Variants in PLD2 observed in about 807,000 individuals in gnomAD.
PLD2 encodes the protein phospholipase D2.
A neutral mutation model predicts 119.8 loss-of-function variants in PLD2; 101 were observed. The ratio of observed to expected loss-of-function variants is 0.84; its 90% CI spans 0.72 to 0.99. The LOEUF (loss-of-function observed/expected upper bound fraction) is 0.99, where lower values mean the gene tolerates loss of function less well. PLD2 is among the 50% of genes least tolerant of loss of function. PLD2 has a pLI of 0.00. For synonymous variants in PLD2, 494 were observed against 482.8 expected (o/e 1.02, Z -0.30); for missense variants, 1,164 against 1,226.8 (o/e 0.95, Z 0.76).
chr17:4,814,336 C>A (rs1292402955), intron 10 of PLD2, 82 bp from the exon 11 acceptor site: 1 of 1,539,762 alleles, frequency 6.5e-7, no homozygotes, highest in South Asian at 1.2e-5. Flanking sequence ...CACCTCTGAC[C>A]CACGACTGTC....
chr17:4,815,975 A>G, intron 14 of PLD2, 41 bp downstream of exon 14: 1 of 1,403,142 alleles, frequency 7.1e-7, no homozygotes, highest in Middle Eastern at 1.8e-4. Flanking sequence ...CCAAACTCAG[A>G]TAAGCTCAAT....
chr17:4,819,632 G>A lies in PLD2; in HGVS notation c.2462+50G>A, dbSNP rs76720894. On this transcript the variant is annotated intron_variant, in intron 23 of 24. Coordinates refer to ENST00000263088, the MANE Select transcript of PLD2 (RefSeq NM_002663.5). This position sits in a 1 kb window ranked among gnomAD's most constrained non-coding sequence, Gnocchi z 4.2. ...GGGTGGGAGGGAGATGGGGGCGTCTGCCTTTTGAGCAGGACAAGAGGTAGC... is the reference window on the plus strand; with the variant it reads ...GGGTGGGAGGGAGATGGGGGCGTCTACCTTTTGAGCAGGACAAGAGGTAGC... 6,466 of 1,540,736 alleles carry A rather than the reference G, an allele frequency of 4.2e-3. 161 individuals are homozygous for A. The East Asian group carries it at 0.063, about 15-fold the overall frequency.
Position 4,819,246 on chromosome 17 carries a change from G to T in PLD2, c.2308+28G>T, listed in dbSNP as rs1907382610. On this transcript the variant is annotated intron_variant, in intron 22 of 24. Transcript: ENST00000263088. The surrounding 1 kb of genome is among the most constrained non-coding windows in gnomAD (Gnocchi z 4.2). ...CAGTGCCGGATCTAGTCCTCTGGCA[G>T]GGAGAGGGTGTGGGGACAGGCGAAG... 6.2e-7 allele frequency: 1 copy of T among 1,612,932 alleles called. No homozygotes were observed. The highest frequency in any genetic ancestry group is 8.5e-7 in the Non-Finnish European group (1 of 1,179,512).
intron 10 of PLD2, among the ~76,000 whole-genome samples, chr17:4,811,227 C>T (rs1906432106): frequency 6.6e-6 from 1 of 152,044 alleles, no homozygotes; most frequent in African/African-American, 2.4e-5. Context: ...ACAATACTGA[C>T]CCTCTCTGTT....
chr17:4,818,897 G>C lies in PLD2; in HGVS notation c.2173+74G>C, dbSNP rs534431806. The C allele has an allele frequency of 2.6e-6, 4 of 1,535,532 alleles. No individual in the cohort carries two copies. In the East Asian group the frequency reaches 9.0e-5, roughly 35 times the overall value. On this transcript the variant is annotated intron_variant, in intron 21 of 24. Coordinates refer to ENST00000263088, the MANE Select transcript of PLD2 (RefSeq NM_002663.5). ...AGATTGGGGCGCTGCAGGCCTGGGG[G>C]TGGGGGAAGGAGGCTGTCACTCCTG...
chr17:4,809,466 C>G, intron 6 of PLD2, 27 bp from the exon 7 acceptor site: 1 of 1,608,580 alleles, frequency 6.2e-7, no homozygotes, highest in Non-Finnish European at 8.5e-7. Context: ...CCAGGTGTCT[C>G]CTCCGGGCTT....
Position 4,819,583 on chromosome 17 carries a change from G to A in PLD2, c.2462+1G>A, listed in dbSNP as rs1458244365. The A allele has an allele frequency of 4.4e-6, 7 of 1,605,614 alleles. 1 individual carries two copies. In the South Asian group the frequency reaches 6.7e-5, roughly 15 times the overall value. ...TGAGTCTGCGGAAGCACTGCTTCGG[G>A]TAGAGCTGGGGCGGGATGCCACAGG... On this transcript the variant is annotated splice_donor_variant, in intron 23 of 24. Transcript: ENST00000263088. LOFTEE classifies it high-confidence loss of function. The surrounding 1 kb of genome is among the most constrained non-coding windows in gnomAD (Gnocchi z 4.2).
Position 4,809,762 on chromosome 17 carries a change from T to G in PLD2, c.686T>G (p.Val229Gly). 6.2e-7 allele frequency: 1 copy of G among 1,613,994 alleles called. No homozygotes were observed. The highest frequency in any genetic ancestry group is 8.5e-7 in the Non-Finnish European group (1 of 1,179,986). The change falls in exon 8 of 25, where the codon GTT becomes GGT. Residue 229 changes from valine to glycine, a missense_variant. Val to Gly is a moderately radical substitution (Grantham distance 109). Transcript: ENST00000263088. ...PGLTCCGRDQ[V>G]CYRWSKRWLV... ...CTCACCTGCTGTGGCCGAGACCAAG[T>G]TTGTTATCGCTGGTCCAAGAGGTAC...
At chr17:4,815,963 C>A in intron 14 of PLD2, 29 bp downstream of exon 14, 1 of 1,507,840 alleles carries the variant, frequency 6.6e-7, no homozygotes, top group African/African-American at 1.4e-5. Context: ...TCCTGAGCAC[C>A]CCCAAACTCA....
chr17:4,809,852 AAC>A (rs1335381188), intron 8 of PLD2, 23 bp from the exon 9 acceptor site: 1 of 1,613,928 alleles, frequency 6.2e-7, no homozygotes. Flanking sequence ...GGCAGAGAGG[AAC>A]ACACGGAGCC....
chr17:4,818,031 A>G lies in PLD2; in HGVS notation c.1845A>G (p.Ala615=). 6.2e-7 allele frequency: 1 copy of G among 1,613,952 alleles called. No homozygotes were observed. The highest frequency in any genetic ancestry group is 1.1e-5 in the South Asian group (1 of 91,084). The change falls in exon 18 of 25, where the codon GCA becomes GCG. Residue 615 remains alanine (A), a synonymous_variant. Coordinates refer to ENST00000263088, the MANE Select transcript of PLD2 (RefSeq NM_002663.5). Reference sequence around the variant, plus strand: ...TGCGATCAGTGGACCGCTGGTCAGCAGGGACTCTGGAGAACTCCATCCTCA... The same window carrying G: ...TGCGATCAGTGGACCGCTGGTCAGCGGGGACTCTGGAGAACTCCATCCTCA... The part of the protein sequence containing the change: ...QVLRSVDRWS[A]GTLENSILNA...
chr17:4,814,257 C>A, intron 10 of PLD2, 161 bp from the exon 11 acceptor site: 2 of 1,116,156 alleles, frequency 1.8e-6, no homozygotes, highest in East Asian at 2.7e-5. Context: ...CGCATATGGG[C>A]AAACACTATT....
At position 4,816,899 on chromosome 17, in the gene PLD2, G is replaced by A. The variant is rs114872997; in HGVS notation, c.1583-38G>A. ...TGCCCCAAGTGTCCCAAGGAGTCCA[G>A]CCCTGACATCTCCCCTGACTCTCCT... is the stretch of plus-strand genomic sequence containing the variant. On this transcript the variant is annotated intron_variant, in intron 15 of 24. Transcript: ENST00000263088. The A allele has an allele frequency of 4.9e-3, 7,794 of 1,590,688 alleles. 324 individuals are homozygous for A. The African/African-American group carries it at 0.089, about 18-fold the overall frequency.
chr17:4,814,881 A>G (rs1906820187), intron 12 of PLD2, among the ~76,000 whole-genome samples, 170 bp downstream of exon 12: 3 of 152,102 alleles, frequency 2.0e-5, no homozygotes, highest in South Asian at 2.1e-4. Context: ...CCTCTGCCCT[A>G]AGGAGAACTG....
At chr17:4,811,096 T>G in intron 10 of PLD2, 145 bp downstream of exon 10, 2 of 775,252 alleles carry the variant, frequency 2.6e-6, no homozygotes, top group Admixed American at 5.9e-5. Context: ...TTCCTGACCT[T>G]TGACATCTTT....
intron 24 of PLD2, 127 bp from the exon 25 acceptor site, chr17:4,822,513 A>T: frequency 1.7e-6 from 1 of 599,148 alleles, no homozygotes. Flanking sequence ...AGAGAGAGAG[A>T]GTTAGTGGCC....
In PLD2 at chr17:4,818,026, TC is replaced by T. The variant is rs1376049147; in HGVS notation, c.1841del (p.Ser614Ter). 4.3e-6 allele frequency: 7 copies of T among 1,613,792 alleles called. No homozygotes were observed. The highest frequency in any genetic ancestry group is 5.9e-6 in the Non-Finnish European group (7 of 1,179,656). ...GGTCTTGCGATCAGTGGACCGCTGG[TC>T]AGCAGGGACTCTGGAGAACTCCATC... ...VQVLRSVDRWSAGTLENSILN... is the reference protein window; with the variant it reads ...VQVLRSVDRWXAGTLENSILN... On this transcript the variant is annotated frameshift_variant, in exon 18 of 25. Coordinates refer to ENST00000263088, the MANE Select transcript of PLD2 (RefSeq NM_002663.5). LOFTEE classifies it high-confidence loss of function.
intron 14 of PLD2, among the ~76,000 whole-genome samples, chr17:4,816,138 T>C (rs1722645569): frequency 6.6e-6 from 1 of 152,100 alleles, no homozygotes; most frequent in Admixed American, 6.6e-5. Context: ...TCCCAGCACT[T>C]TGGGAGGCCA....
rs988361307 is a variant in PLD2, at chr17:4,819,003, GTTT to G, written c.2174-80_2174-78del. ...AGAGACCAGACTCTATGTAGGAAGA[GTTT>G]CTGGAGTGAGAGGAGGTGGGACAGG... On this transcript the variant is annotated intron_variant, in intron 21 of 24. Transcript: ENST00000263088. This position sits in a 1 kb window ranked among gnomAD's most constrained non-coding sequence, Gnocchi z 4.2. 1 of 1,577,046 alleles carries G rather than the reference GTTT, an allele frequency of 6.3e-7. No individual in the cohort carries two copies. Among genetic ancestry groups the G allele is most frequent in the Non-Finnish European group, 8.6e-7 (1 of 1,156,154 alleles).
Sources: gnomAD v4.1 joint callset for allele counts (sites outside exome capture counted in the v4.1 genomes callset) on GRCh38, gnomAD v4.1.1 for gene constraint, Gnocchi (gnomAD v3.1) non-coding constraint, MANE v1.5 for transcripts, NCBI Gene and HGNC (gene_info 2026-07-23, HGNC 2026-07-21) for gene names.